ANKRD30B: variants seen among roughly 807,000 people sequenced by gnomAD.
The protein encoded by ANKRD30B is ankyrin repeat domain 30B, also known as ankyrin repeat domain-containing protein 30B.
Under a neutral mutation model 202.2 loss-of-function variants are expected in ANKRD30B, and 144 were observed. The observed-to-expected ratio is 0.71, with a 90% CI of 0.62 to 0.82. The LOEUF is 0.82. Among genes scored for constraint, ANKRD30B ranks in the 40% least tolerant of loss-of-function variants. ANKRD30B has a pLI of 0.00. For missense variants in ANKRD30B, 1,487 were observed against 1,669.1 expected (o/e 0.89, Z 1.90); for synonymous variants, 508 against 561.3 (o/e 0.91, Z 1.34).
chr18:14,862,674 C>T, the ANKRD30B span, among the ~76,000 whole-genome samples: 33 of 152,330 alleles, frequency 2.2e-4, no homozygotes, highest in African/African-American at 6.5e-4. Context: ...GCCGCCACCT[C>T]GAGATCCCTG....
chr18:14,892,560 G>A, the ANKRD30B span, among the ~76,000 whole-genome samples: 5 of 151,974 alleles, frequency 3.3e-5, no homozygotes, highest in South Asian at 2.1e-4. Context: ...CCAACATGGC[G>A]AAACCCCGTT....
chr18:14,792,483 A>T (rs531665183), intron 16 of ANKRD30B, among the ~76,000 whole-genome samples: 7 of 152,030 alleles, frequency 4.6e-5, no homozygotes, highest in Admixed American at 1.3e-4. Flanking sequence ...ACAAGTCTAG[A>T]GATTACTTTT....
chr18:14,770,024 T>C (rs1916871897), intron 8 of ANKRD30B, among the ~76,000 whole-genome samples: 1 of 152,238 alleles, frequency 6.6e-6, no homozygotes, highest in African/African-American at 2.4e-5. Context: ...CTATATCTTA[T>C]AGAATTCTCT....
chr18:14,773,444 A>G (rs1967142626), intron 9 of ANKRD30B, among the ~76,000 whole-genome samples: 1 of 152,190 alleles, frequency 6.6e-6, no homozygotes, highest in African/African-American at 2.4e-5. Context: ...GATAATATGC[A>G]TGATATATCT....
chr18:14,751,736 AGT>A (rs1435069233), intron 1 of ANKRD30B, among the ~76,000 whole-genome samples: 2 of 152,158 alleles, frequency 1.3e-5, no homozygotes, highest in Non-Finnish European at 2.9e-5. Context: ...ATCTTGAGGA[AGT>A]AGTTTGTTTT....
chr18:14,841,395 T>C (rs557004214), intron 37 of ANKRD30B, among the ~76,000 whole-genome samples: 5 of 152,308 alleles, frequency 3.3e-5, no homozygotes, highest in African/African-American at 1.2e-4. Context: ...GACCTCACTC[T>C]TAAGTAGCAA....
chr18:14,772,236 G>T lies in ANKRD30B; in HGVS notation c.1329+8G>T, dbSNP rs762157067. On this transcript the variant is annotated splice_region_variant and intron_variant, in intron 9 of 43. Transcript: ENST00000690538. ...TTTAATCTTGCTACCAAGGTAAAATGTTCTTTTGTGAAGTTGATTTTCTCA... is the reference window on the plus strand; with the variant it reads ...TTTAATCTTGCTACCAAGGTAAAATTTTCTTTTGTGAAGTTGATTTTCTCA... The T allele has an allele frequency of 6.8e-7, 1 of 1,476,690 alleles. No individual in the cohort carries two copies. Among genetic ancestry groups the T allele is most frequent in the South Asian group, 1.4e-5 (1 of 71,092 alleles). 91.5% of individuals were successfully genotyped at this position (1,476,690 alleles called of 1,614,324 possible). A position where few individuals can be genotyped will look rare whatever the true frequency, so the allele number is the denominator to read the frequency against.
the ANKRD30B span, among the ~76,000 whole-genome samples, chr18:14,925,500 T>G: frequency 6.6e-6 from 1 of 152,222 alleles, no homozygotes; most frequent in Non-Finnish European, 1.5e-5. Context: ...CCTGGGGTTT[T>G]GGTTTTGGTT....
At chr18:14,755,717 T>TA (rs1464331349) in intron 4 of ANKRD30B, among the ~76,000 whole-genome samples, 7 of 152,208 alleles carry the variant, frequency 4.6e-5, no homozygotes, top group Non-Finnish European at 1.0e-4. Flanking sequence ...TCCATGTTCC[T>TA]ACAAAGGACA....
the ANKRD30B span, among the ~76,000 whole-genome samples, chr18:14,865,849 C>T: frequency 1.6e-4 from 25 of 152,180 alleles, no homozygotes; most frequent in African/African-American, 4.1e-4. Flanking sequence ...TCCTCTAAGC[C>T]GGGCTCAGAG....
intron 22 of ANKRD30B, among the ~76,000 whole-genome samples, chr18:14,799,959 G>T (rs1452024838): frequency 6.6e-6 from 1 of 151,984 alleles, no homozygotes; most frequent in African/African-American, 2.4e-5. Flanking sequence ...GGCTGTGCAC[G>T]GTGGCACATG....
the ANKRD30B span, among the ~76,000 whole-genome samples, chr18:14,906,129 G>A: frequency 6.6e-6 from 1 of 152,038 alleles, no homozygotes; most frequent in African/African-American, 2.4e-5. Flanking sequence ...GTTTAAAGTG[G>A]CATAAAGAAC....
At chr18:14,858,233 G>A (rs1169670806), downstream of ANKRD30B, among the ~76,000 whole-genome samples, 6 of 51,988 alleles carry the variant, frequency 1.2e-4, no homozygotes, top group African/African-American at 7.3e-4. Context: ...CAGATGGCGC[G>A]GCCAGGCAGA....
intron 36 of ANKRD30B, among the ~76,000 whole-genome samples, chr18:14,839,833 A>T (rs1314601998): frequency 2.0e-5 from 3 of 152,200 alleles, no homozygotes; most frequent in Admixed American, 2.0e-4. Flanking sequence ...TTCGCACGAC[A>T]TACTCTGAAA....
chr18:14,894,633 G>A, the ANKRD30B span, among the ~76,000 whole-genome samples: 2 of 151,036 alleles, frequency 1.3e-5, no homozygotes, highest in Non-Finnish European at 2.9e-5. Flanking sequence ...TACCCTCTTC[G>A]GCATGTTAAA....
At chr18:14,856,093 G>A (rs1419101115), downstream of ANKRD30B, among the ~76,000 whole-genome samples, 1 of 142,988 alleles carries the variant, frequency 7.0e-6, no homozygotes, top group Non-Finnish European at 1.6e-5. Flanking sequence ...TGGCCGGGCA[G>A]AGGCGCTCCT....
At chr18:14,864,513 T>C in the ANKRD30B span, among the ~76,000 whole-genome samples, 1 of 151,872 alleles carries the variant, frequency 6.6e-6, no homozygotes, top group African/African-American at 2.4e-5. Flanking sequence ...ACCCCAAAAC[T>C]TTTTCCCCAC....
At chr18:14,845,441 A>T (rs558898859) in intron 39 of ANKRD30B, among the ~76,000 whole-genome samples, 2 of 152,014 alleles carry the variant, frequency 1.3e-5, no homozygotes, top group South Asian at 4.1e-4. Flanking sequence ...CTAAGTTGTC[A>T]TGTTTATTCA....
At chr18:14,869,845 A>G in the ANKRD30B span, among the ~76,000 whole-genome samples, 1 of 151,898 alleles carries the variant, frequency 6.6e-6, no homozygotes. Flanking sequence ...CATCTTATTT[A>G]TTTTCTAGAG....
Sources: allele counts gnomAD v4.1 joint callset (sites outside exome capture counted in the v4.1 genomes callset), GRCh38; gene constraint gnomAD v4.1.1; transcripts MANE v1.5; gene names NCBI Gene and HGNC (gene_info 2026-07-23, HGNC 2026-07-21).